The following CDH13 variants were observed in gnomAD, a reference collection of about 807,000 sequenced individuals.
CDH13 encodes the protein cadherin 13.
A neutral mutation model predicts 63.8 loss-of-function variants in CDH13; 24 were observed. The ratio of observed to expected loss-of-function variants is 0.38; its 90% CI spans 0.27 to 0.53. The LOEUF (loss-of-function observed/expected upper bound fraction) is 0.53, where lower values mean the gene tolerates loss of function less well. Among genes scored for constraint, CDH13 ranks in the 20% least tolerant of loss-of-function variants. The pLI is 0.85. For synonymous variants in CDH13, 503 were observed against 355.3 expected (o/e 1.42, Z -4.67); for missense variants, 1,049 against 903.1 (o/e 1.16, Z -2.07).
At chr16:82,668,343 G>A (rs1186709470) in intron 1 of CDH13, among the ~76,000 whole-genome samples, 3 of 152,124 alleles carry the variant, frequency 2.0e-5, no homozygotes, top group Non-Finnish European at 4.4e-5. Context: ...GATAATTAAA[G>A]GGTGCCTAGG....
In CDH13 at chr16:83,663,015, C is replaced by T. The variant is rs546223226; in HGVS notation, c.1102-7775C>T. Among the ~76,000 whole-genome samples the T allele has an allele frequency of 3.3e-5, 5 of 152,314 alleles. No individual in the cohort carries two copies. In the East Asian group the frequency reaches 9.6e-4, roughly 29 times the overall value. On this transcript the variant is annotated intron_variant, in intron 8 of 13. Coordinates refer to ENST00000567109, the MANE Select transcript of CDH13 (RefSeq NM_001257.5). ...TCAATTTCTCCATTCTTTTGCTTCT[C>T]CATGCATATTGGATTTCTCTGATAA...
chr16:83,667,031 G>A (rs72795402), intron 8 of CDH13, among the ~76,000 whole-genome samples: 35 of 46,396 alleles, frequency 7.5e-4, no homozygotes, highest in African/African-American at 1.4e-3. Flanking sequence ...GGATGGATGG[G>A]TGGATGGATG....
chr16:82,639,032 A>C (rs1909055206), intron 1 of CDH13, among the ~76,000 whole-genome samples: 1 of 152,192 alleles, frequency 6.6e-6, no homozygotes, highest in Non-Finnish European at 1.5e-5. Flanking sequence ...GCTCAAGGCC[A>C]CACAGTCACT....
At position 82,937,324 on chromosome 16, in the gene CDH13, T is replaced by C. The variant is rs138376178; in HGVS notation, c.157+78851T>C. ...CCCTTTGTTGCTATTTTACTTTTCA[T>C]TGGAGGTTGGGCGAGGCAATCTTTA... On this transcript the variant is annotated intron_variant, in intron 2 of 13. Transcript: ENST00000567109. 4.6e-3 allele frequency among the ~76,000 whole-genome samples: 704 copies of C among 152,228 alleles called. 8 individuals carry two copies. The highest frequency in any genetic ancestry group is 0.016 in the African/African-American group (658 of 41,544).
intron 2 of CDH13, among the ~76,000 whole-genome samples, chr16:82,922,828 C>G (rs762369484): frequency 6.6e-6 from 1 of 152,156 alleles, no homozygotes; most frequent in Non-Finnish European, 1.5e-5. Context: ...GGTTTAACTA[C>G]TTTTTGAGCT....
At chr16:82,860,225 G>A (rs1478386481) in intron 2 of CDH13, among the ~76,000 whole-genome samples, 2 of 152,072 alleles carry the variant, frequency 1.3e-5, no homozygotes, top group African/African-American at 4.8e-5. Flanking sequence ...GAGTTGGTAT[G>A]CAAAGTAGAC....
At chr16:83,170,798 G>C (rs904253344) in intron 4 of CDH13, among the ~76,000 whole-genome samples, 1 of 152,056 alleles carries the variant, frequency 6.6e-6, no homozygotes, top group African/African-American at 2.4e-5. Context: ...GGAGATGTAG[G>C]CATGTGCATG....
At chr16:83,055,730 C>G (rs1053125375) in intron 3 of CDH13, among the ~76,000 whole-genome samples, 1 of 151,948 alleles carries the variant, frequency 6.6e-6, no homozygotes, top group African/African-American at 2.4e-5. Flanking sequence ...AAAAATGAAA[C>G]GCTTTCCAGC....
chr16:83,598,648 C>A (rs550240609), intron 7 of CDH13, among the ~76,000 whole-genome samples: 1 of 152,134 alleles, frequency 6.6e-6, no homozygotes, highest in East Asian at 1.9e-4. Context: ...TTGAGGAAAG[C>A]CAAAATGTAT....
rs777307004 is a variant in CDH13, at chr16:83,779,954, C to A, written c.1682-14C>A. 8 of 1,591,692 alleles carry A rather than the reference C, an allele frequency of 5.0e-6. No individual in the cohort carries two copies. The highest frequency in any genetic ancestry group is 1.1e-5 in the South Asian group (1 of 90,116). ...ATACCAGTTGCATACCAACATCTTC[C>A]CTTTTTCCCACAGGCAACCCTCCCG... is the stretch of plus-strand genomic sequence containing the variant. On this transcript the variant is annotated splice_polypyrimidine_tract_variant and intron_variant, in intron 11 of 13. Transcript: ENST00000567109.
intron 2 of CDH13, among the ~76,000 whole-genome samples, chr16:82,875,145 A>G (rs907158060): frequency 6.6e-6 from 1 of 152,230 alleles, no homozygotes; most frequent in Non-Finnish European, 1.5e-5. Flanking sequence ...GCCAAAGCTG[A>G]AAGTGTCACA....
chr16:83,025,244 G>C (rs1241404111), intron 2 of CDH13, among the ~76,000 whole-genome samples: 1 of 152,160 alleles, frequency 6.6e-6, no homozygotes. Context: ...CCCACTCTAT[G>C]GATAAAGATG....
chr16:83,010,389 G>A (rs1044515487), intron 2 of CDH13, among the ~76,000 whole-genome samples: 2 of 152,066 alleles, frequency 1.3e-5, no homozygotes, highest in African/African-American at 4.8e-5. Context: ...TGACAGAGAT[G>A]CACGACTGTC....
At chr16:83,110,997 T>G (rs2035029009) in intron 3 of CDH13, among the ~76,000 whole-genome samples, 3 of 38,700 alleles carry the variant, frequency 7.8e-5, no homozygotes, top group Admixed American at 4.8e-4. Flanking sequence ...TGTATTAGGT[T>G]GTTGCAAAAA....
chr16:83,492,970 G>C (rs973523708), intron 7 of CDH13, among the ~76,000 whole-genome samples: 2 of 152,212 alleles, frequency 1.3e-5, no homozygotes, highest in Non-Finnish European at 2.9e-5. Flanking sequence ...CCTGGCTTCA[G>C]AGAAATGGGC....
At chr16:83,475,564 G>A (rs1277160624) in intron 6 of CDH13, among the ~76,000 whole-genome samples, 1 of 152,222 alleles carries the variant, frequency 6.6e-6, no homozygotes, top group Non-Finnish European at 1.5e-5. Flanking sequence ...GCCTAATATA[G>A]TCTATGTGGT....
At chr16:83,377,886 GT>G (rs538366419) in intron 6 of CDH13, among the ~76,000 whole-genome samples, 36 of 152,256 alleles carry the variant, frequency 2.4e-4, no homozygotes, top group African/African-American at 7.9e-4. Flanking sequence ...AGAAAAAGGT[GT>G]CCCCTTCAAG....
intron 8 of CDH13, among the ~76,000 whole-genome samples, chr16:83,616,898 C>G (rs149501018): frequency 1.3e-5 from 2 of 152,326 alleles, no homozygotes; most frequent in African/African-American, 4.8e-5. Flanking sequence ...ACGTGCCAAG[C>G]TTTGGCATGT....
At chr16:83,107,137 T>G (rs192433037) in intron 3 of CDH13, among the ~76,000 whole-genome samples, 2 of 152,284 alleles carry the variant, frequency 1.3e-5, no homozygotes, top group East Asian at 3.9e-4. Context: ...GAGAAGAGTT[T>G]CCTACATTAG....
Sources: allele counts gnomAD v4.1 joint callset (sites outside exome capture counted in the v4.1 genomes callset), GRCh38; gene constraint gnomAD v4.1.1; transcripts MANE v1.5; gene names NCBI Gene and HGNC (gene_info 2026-07-23, HGNC 2026-07-21).